The following DEUP1 variants were observed in gnomAD, a reference collection of about 807,000 sequenced individuals.
The protein encoded by DEUP1 is coiled-coil domain containing 67.
Under a neutral mutation model 87.4 loss-of-function variants are expected in DEUP1, and 82 were observed. That is an observed-to-expected ratio of 0.94 (90% CI 0.78 to 1.13). The LOEUF is 1.13. DEUP1 is among the 50% of genes most tolerant of loss of function. The probability of loss-of-function intolerance (pLI) is 0.00; values close to 1 mark genes in which losing one functional copy is unlikely to be tolerated. For missense variants in DEUP1, 663 were observed against 681.5 expected (o/e 0.97, Z 0.30); for synonymous variants, 214 against 222.7 (o/e 0.96, Z 0.35).
rs1464676945 is a variant in DEUP1 at position 93,415,132 on chromosome 11, G to C, written c.1638+18G>C. On this transcript the variant is annotated intron_variant, in intron 13 of 13. Coordinates refer to ENST00000298050, the MANE Select transcript of DEUP1 (RefSeq NM_181645.4). ...TCCCACTGGTGAGTTGCTGGTTGTG[G>C]GCTTTTTTTTTCTTTAATGGGTTAT... The C allele has an allele frequency of 6.6e-7, 1 of 1,522,356 alleles. No individual in the cohort carries two copies. The highest frequency in any genetic ancestry group is 9.1e-7 in the Non-Finnish European group (1 of 1,100,742). The allele number at this position is 1,522,356 out of a possible 1,614,324, so 94.3% of individuals were successfully genotyped here.
At chr11:93,382,601 A>C (rs563572839) in intron 7 of DEUP1, among the ~76,000 whole-genome samples, 158 of 152,290 alleles carry the variant, frequency 1.0e-3, no homozygotes, top group African/African-American at 3.6e-3. Flanking sequence ...TATATTTTAT[A>C]GGCCTAAGGT....
At position 93,355,542 on chromosome 11, in the gene DEUP1, G is replaced by A. The variant is rs762107519; in HGVS notation, c.201G>A (p.Glu67=). 6.2e-7 allele frequency: 1 copy of A among 1,611,736 alleles called. No individual in the cohort carries two copies. Among genetic ancestry groups the A allele is most frequent in the Non-Finnish European group, 8.5e-7 (1 of 1,178,740 alleles). ...CTTGTTTGGATCAGAAAGGTCAAGA[G>A]GTACTGAATACATATGTTAACAAAT... ...AQTCLDQKGQ[E]VGLLRQKLDS... The change falls in exon 3 of 14, where the codon GAG becomes GAA. Residue 67 remains glutamate, a splice_region_variant and synonymous_variant. Coordinates refer to ENST00000298050, the MANE Select transcript of DEUP1 (RefSeq NM_181645.4).
In DEUP1 at chr11:93,418,625, G is replaced by A. The variant is rs1052708215; in HGVS notation, c.1638+3511G>A. ...CAACCATTGTGGAAGTCAGTGTGGC[G>A]ATTCCTCAGGGATCTAGAACTAGAA... On this transcript the variant is annotated intron_variant, in intron 13 of 13. Transcript: ENST00000298050. Among the ~76,000 whole-genome samples, 6 of 151,818 alleles carry A rather than the reference G, an allele frequency of 4.0e-5. No individual in the cohort carries two copies. The East Asian group carries it at 5.8e-4, about 15-fold the overall frequency.
chr11:93,392,043 T>C (rs12284681), intron 9 of DEUP1, among the ~76,000 whole-genome samples: 38,236 of 151,898 alleles, frequency 0.25, 5,122 homozygotes, highest in Middle Eastern at 0.38. Flanking sequence ...GCTGGTAATA[T>C]GAATAGAATC....
chr11:93,391,170 T>A (rs549466635), intron 9 of DEUP1, among the ~76,000 whole-genome samples: 57 of 152,112 alleles, frequency 3.7e-4, no homozygotes, highest in African/African-American at 1.2e-3. Context: ...GTATTATGAA[T>A]CTTGCAAGTA....
At chr11:93,355,700 T>C (rs779180802) in intron 3 of DEUP1, among the ~76,000 whole-genome samples, 158 bp downstream of exon 3, 2 of 152,214 alleles carry the variant, frequency 1.3e-5, no homozygotes, top group African/African-American at 4.8e-5. Context: ...AAATGTATTA[T>C]ATCAAATAAG....
intron 13 of DEUP1, among the ~76,000 whole-genome samples, chr11:93,431,459 A>G (rs558637824): frequency 6.6e-6 from 1 of 152,322 alleles, no homozygotes; most frequent in South Asian, 2.1e-4. Flanking sequence ...ATATGAGGAC[A>G]GTAGGTCATG....
chr11:93,361,350 C>G (rs184514133), intron 4 of DEUP1, among the ~76,000 whole-genome samples: 1 of 151,996 alleles, frequency 6.6e-6, no homozygotes, highest in Non-Finnish European at 1.5e-5. Context: ...GTAAAAACAC[C>G]AAAAAGAGTA....
chr11:93,331,685 C>T (rs1943489883), intron 1 of DEUP1, among the ~76,000 whole-genome samples: 1 of 152,170 alleles, frequency 6.6e-6, no homozygotes, highest in Admixed American at 6.5e-5. Context: ...CAACGTAGTA[C>T]AAGCTATTAT....
At chr11:93,391,952 C>CT in intron 9 of DEUP1, among the ~76,000 whole-genome samples, 1 of 152,072 alleles carries the variant, frequency 6.6e-6, no homozygotes. Context: ...TCCTGTGACT[C>CT]TTTTTTAAAA....
At chr11:93,390,486 A>G (rs1326330597) in intron 9 of DEUP1, among the ~76,000 whole-genome samples, 1 of 152,238 alleles carries the variant, frequency 6.6e-6, no homozygotes, top group Non-Finnish European at 1.5e-5. Context: ...TTAATGCCAT[A>G]TAATCCCACA....
At chr11:93,364,105 T>A in intron 4 of DEUP1, 55 bp from the exon 5 acceptor site, 2 of 1,292,338 alleles carry the variant, frequency 1.5e-6, no homozygotes, top group East Asian at 4.9e-5. Flanking sequence ...TATAGTGAAA[T>A]CAGGTTAGAA....
intron 8 of DEUP1, among the ~76,000 whole-genome samples, chr11:93,388,650 A>G (rs1169599258): frequency 2.0e-5 from 3 of 152,172 alleles, no homozygotes; most frequent in Non-Finnish European, 1.5e-5. Context: ...TTTCCACAAT[A>G]CATTAGCAAG....
chr11:93,371,728 T>G (rs1332733943), intron 7 of DEUP1, among the ~76,000 whole-genome samples: 2 of 152,220 alleles, frequency 1.3e-5, no homozygotes, highest in Non-Finnish European at 2.9e-5. Flanking sequence ...CTTATCATAA[T>G]CATTTATCAA....
chr11:93,350,498 A>T (rs1944572298), intron 2 of DEUP1, among the ~76,000 whole-genome samples: 1 of 152,178 alleles, frequency 6.6e-6, no homozygotes, highest in African/African-American at 2.4e-5. Context: ...CAGACCTAGG[A>T]TGGATAACTT....
chr11:93,393,951 T>C (rs990042201), intron 9 of DEUP1, among the ~76,000 whole-genome samples: 20 of 152,318 alleles, frequency 1.3e-4, no homozygotes, highest in Non-Finnish European at 2.4e-4. Flanking sequence ...TGAGTTTTCA[T>C]GAAGACATTG....
chr11:93,391,907 G>A (rs1025256787), intron 9 of DEUP1, among the ~76,000 whole-genome samples: 2 of 152,100 alleles, frequency 1.3e-5, no homozygotes, highest in Admixed American at 1.3e-4. Context: ...TAGGATACTT[G>A]TGCTCGTGTC....
intron 4 of DEUP1, among the ~76,000 whole-genome samples, chr11:93,358,478 A>G (rs1396214846): frequency 6.6e-6 from 1 of 152,252 alleles, no homozygotes; most frequent in Non-Finnish European, 1.5e-5. Flanking sequence ...AAGGGTACAC[A>G]TTAGCATATT....
intron 11 of DEUP1, among the ~76,000 whole-genome samples, chr11:93,402,008 G>A (rs1199705177): frequency 1.3e-5 from 2 of 151,800 alleles, no homozygotes; most frequent in Admixed American, 6.6e-5. Flanking sequence ...AGGTAAGTGG[G>A]ATCATATCAA....
Sources: gnomAD v4.1 joint callset for allele counts (sites outside exome capture counted in the v4.1 genomes callset) on GRCh38, gnomAD v4.1.1 for gene constraint, MANE v1.5 for transcripts, NCBI Gene and HGNC (gene_info 2026-07-23, HGNC 2026-07-21) for gene names.